Variants in ALG9 observed in about 807,000 individuals in gnomAD.
ALG9 encodes ALG9 alpha-1,2-mannosyltransferase, also known as alpha-1,2-mannosyltransferase ALG9.
Under a neutral mutation model 81.8 loss-of-function variants are expected in ALG9, and 55 were observed. The observed-to-expected ratio is 0.67, with a 90% CI of 0.54 to 0.84. The LOEUF (loss-of-function observed/expected upper bound fraction) is 0.84, where lower values mean the gene tolerates loss of function less well. Ranked by LOEUF, ALG9 falls within the 40% of genes least tolerant of loss-of-function variation. The pLI, the probability that ALG9 is intolerant of heterozygous loss-of-function variation, is 0.00. For missense variants in ALG9, 629 were observed against 745.0 expected (o/e 0.84, Z 1.81); for synonymous variants, 278 against 274.3 (o/e 1.01, Z -0.13).
At chr11:111,797,104 T>C (rs1555075956) in intron 14 of ALG9, among the ~76,000 whole-genome samples, 2 of 152,180 alleles carry the variant, frequency 1.3e-5, no homozygotes, top group Non-Finnish European at 2.9e-5. Context: ...GCAAGATAAG[T>C]AGTGGCTTTA....
At chr11:111,805,384 A>G in intron 14 of ALG9, 1 of 450,908 alleles carries the variant, frequency 2.2e-6, no homozygotes, top group Non-Finnish European at 4.4e-6. Context: ...AGTCTGAACT[A>G]AGACCAATGT....
chr11:111,833,094 G>T (rs1954662241), intron 13 of ALG9, among the ~76,000 whole-genome samples: 1 of 152,048 alleles, frequency 6.6e-6, no homozygotes, highest in Admixed American at 6.5e-5. Context: ...ATTAAAGTCA[G>T]AAAAAAGTCT....
intron 8 of ALG9, among the ~76,000 whole-genome samples, chr11:111,852,249 G>A (rs1957941319): frequency 1.3e-5 from 2 of 152,290 alleles, no homozygotes; most frequent in South Asian, 4.1e-4. Flanking sequence ...TAAGGCTGAA[G>A]AAACTATAAT....
intron 14 of ALG9, among the ~76,000 whole-genome samples, chr11:111,792,008 G>A (rs1033631628): frequency 2.0e-5 from 3 of 152,188 alleles, no homozygotes; most frequent in East Asian, 1.9e-4. Flanking sequence ...GGTTGAACCC[G>A]GGAGGTGGAG....
chr11:111,837,347 G>A, intron 12 of ALG9, 121 bp downstream of exon 12: 1 of 1,177,754 alleles, frequency 8.5e-7, no homozygotes, highest in Non-Finnish European at 1.2e-6. Flanking sequence ...CTCCGACGTG[G>A]TAGATAATTC....
At chr11:111,781,460 CTTCT>C (rs1220538473), downstream of ALG9, among the ~76,000 whole-genome samples, 1 of 152,042 alleles carries the variant, frequency 6.6e-6, no homozygotes, top group African/African-American at 2.4e-5. Context: ...AAATTTATTC[CTTCT>C]GACAACCCCA....
In ALG9 at chr11:111,783,160, A is replaced by T. The variant is rs1946096921; in HGVS notation, c.*3237T>A. 1 of 152,246 alleles carries T rather than the reference A, an allele frequency of 6.6e-6. No homozygotes were observed. The highest frequency in any genetic ancestry group is 2.1e-4 in the South Asian group (1 of 4,826). The allele number at this position is 152,246 out of a possible 1,614,324, so 9.4% of individuals were successfully genotyped here. ...CTCACTCACCCCATGATCAAAGGCT[A>T]TTAAAAATTATCTGGGCCGGGTGCG... is the stretch of plus-strand genomic sequence containing the variant. On this transcript the variant is annotated 3_prime_UTR_variant, in exon 15 of 15. Coordinates refer to ENST00000616540, the MANE Select transcript of ALG9 (RefSeq NM_024740.2).
At chr11:111,865,688 T>C (rs1962144204) in intron 3 of ALG9, among the ~76,000 whole-genome samples, 2 of 152,340 alleles carry the variant, frequency 1.3e-5, no homozygotes, top group South Asian at 4.1e-4. Flanking sequence ...GTAGTGATTA[T>C]GACAAAATAT....
At chr11:111,788,751 CCA>C (rs1946880346) in intron 14 of ALG9, among the ~76,000 whole-genome samples, 3 of 128,384 alleles carry the variant, frequency 2.3e-5, no homozygotes, top group Non-Finnish European at 3.4e-5. Context: ...AGACATTGTC[CCA>C]AAAAAAAAAA....
chr11:111,850,701 T>A (rs1192572416), intron 8 of ALG9, among the ~76,000 whole-genome samples: 8 of 17,716 alleles, frequency 4.5e-4, no homozygotes, highest in Non-Finnish European at 6.7e-4. Context: ...AGCGAGATAC[T>A]GTCTCAAAAA....
At chr11:111,831,936 A>T (rs950477479) in intron 13 of ALG9, among the ~76,000 whole-genome samples, 2 of 152,230 alleles carry the variant, frequency 1.3e-5, no homozygotes, top group East Asian at 3.8e-4. Context: ...GCATTTGATT[A>T]TGTCATTTAA....
rs117780712 is a variant in ALG9 at position 111,842,905 on chromosome 11, C to T, written c.1018+1696G>A. Among the ~76,000 whole-genome samples, 1,027 of 152,082 alleles carry T rather than the reference C, an allele frequency of 6.8e-3. 6 individuals are homozygous for T. The highest frequency in any genetic ancestry group is 0.051 in the Middle Eastern group (15 of 294). On this transcript the variant is annotated intron_variant, in intron 9 of 14. Coordinates refer to ENST00000616540, the MANE Select transcript of ALG9 (RefSeq NM_024740.2). ...GCTTAATATCCTGTTTTTTTACTGA[C>T]GTTACAAGCATTTCCAAATTTTCCA...
intron 9 of ALG9, 40 bp from the exon 10 acceptor site, chr11:111,840,849 G>C: frequency 6.2e-7 from 1 of 1,609,314 alleles, no homozygotes; most frequent in Non-Finnish European, 8.5e-7. Flanking sequence ...CATTATATTA[G>C]AACAAAACAA....
chr11:111,862,625 C>A (rs1404762174), intron 4 of ALG9, among the ~76,000 whole-genome samples: 9 of 151,284 alleles, frequency 5.9e-5, no homozygotes, highest in South Asian at 4.2e-4. Flanking sequence ...AATCAATCTT[C>A]CAATTTACTA....
At chr11:111,807,745 C>T (rs1342801220) in intron 14 of ALG9, among the ~76,000 whole-genome samples, 2 of 152,028 alleles carry the variant, frequency 1.3e-5, no homozygotes, top group Admixed American at 6.6e-5. Flanking sequence ...GGGCCGAGGT[C>T]GTGCTACTGC....
chr11:111,791,535 G>A (rs960596167), intron 14 of ALG9, among the ~76,000 whole-genome samples: 2 of 152,176 alleles, frequency 1.3e-5, no homozygotes, highest in African/African-American at 4.8e-5. Flanking sequence ...AACTAGAGGT[G>A]GGCTGAATAA....
At chr11:111,842,526 A>G (rs553736165) in intron 9 of ALG9, among the ~76,000 whole-genome samples, 1 of 152,122 alleles carries the variant, frequency 6.6e-6, no homozygotes, top group Admixed American at 6.5e-5. Flanking sequence ...GGCTTAAGCA[A>G]TCCTCCCACC....
At chr11:111,799,945 C>G (rs993884129) in intron 14 of ALG9, among the ~76,000 whole-genome samples, 2 of 152,174 alleles carry the variant, frequency 1.3e-5, no homozygotes, top group Non-Finnish European at 2.9e-5. Flanking sequence ...CTCCTTACCA[C>G]CAGTACTTAT....
chr11:111,862,534 G>A (rs1054967584), intron 4 of ALG9, among the ~76,000 whole-genome samples: 11 of 151,216 alleles, frequency 7.3e-5, no homozygotes, highest in Admixed American at 4.0e-4. Flanking sequence ...GTGCCCAGCC[G>A]TGGCTTACAC....
Sources: allele counts gnomAD v4.1 joint callset (sites outside exome capture counted in the v4.1 genomes callset), GRCh38; gene constraint gnomAD v4.1.1; transcripts MANE v1.5; gene names NCBI Gene and HGNC (gene_info 2026-07-23, HGNC 2026-07-21).